The following LRPPRC variants were observed in gnomAD, a reference collection of about 807,000 sequenced individuals.
LRPPRC encodes leucine-rich PPR motif-containing protein, mitochondrial.
Under a neutral mutation model 180.3 loss-of-function variants are expected in LRPPRC, and 120 were observed. The observed-to-expected ratio is 0.67, with a 90% confidence interval of 0.57 to 0.77. The LOEUF (loss-of-function observed/expected upper bound fraction) is 0.77, where lower values mean the gene tolerates loss of function less well. Ranked by LOEUF, LRPPRC falls within the 30% of genes least tolerant of loss-of-function variation. LRPPRC has a pLI of 0.00. For missense variants in LRPPRC, 2,012 were observed against 1,657.2 expected (o/e 1.21, Z -3.72); for synonymous variants, 723 against 600.0 (o/e 1.21, Z -3.00).
chr2:43,993,179 A>C (rs1674863441), intron 1 of LRPPRC, among the ~76,000 whole-genome samples: 1 of 152,182 alleles, frequency 6.6e-6, no homozygotes, highest in Non-Finnish European at 1.5e-5. Flanking sequence ...TGGTAATTAA[A>C]AGAGGTCCTT....
At position 43,940,557 on chromosome 2, in the gene LRPPRC, A is replaced by G. The variant is rs549433248; in HGVS notation, c.2504+3130T>C. Among the ~76,000 whole-genome samples the G allele has an allele frequency of 5.9e-5, 9 of 152,178 alleles. No individual in the cohort carries two copies. In the South Asian group the frequency reaches 1.7e-3, roughly 28 times the overall value. ...TGTACATATACAGATTATAACACAA[A>G]CCAGCACAAAAAAAATCCTTAATGG... On this transcript the variant is annotated intron_variant, in intron 23 of 37. Coordinates refer to ENST00000260665, the MANE Select transcript of LRPPRC (RefSeq NM_133259.4).
chr2:43,980,622 A>G (rs1292993837), intron 2 of LRPPRC, among the ~76,000 whole-genome samples: 1 of 151,708 alleles, frequency 6.6e-6, no homozygotes, highest in African/African-American at 2.4e-5. Context: ...ACTGTAAAGC[A>G]GTGTAATTAA....
intron 15 of LRPPRC, 51 bp downstream of exon 15, chr2:43,950,522 G>A (rs1672857875): frequency 1.4e-6 from 2 of 1,475,220 alleles, no homozygotes; most frequent in African/African-American, 1.4e-5. Flanking sequence ...CTATGGTATT[G>A]GCTTGTAACG....
At chr2:43,969,298 G>C (rs1673698490) in intron 11 of LRPPRC, among the ~76,000 whole-genome samples, 1 of 151,944 alleles carries the variant, frequency 6.6e-6, no homozygotes, top group Non-Finnish European at 1.5e-5. Context: ...TGTAGTCCCA[G>C]CTACTTGGGA....
chr2:43,973,988 G>A, intron 9 of LRPPRC, 88 bp from the exon 10 acceptor site: 1 of 1,107,726 alleles, frequency 9.0e-7, no homozygotes, highest in Non-Finnish European at 1.4e-6. Context: ...TCTGAGATGA[G>A]CATTTTAAAC....
rs1452047731 is a variant in LRPPRC, at chr2:43,976,225, T to C, written c.655A>G (p.Ile219Val). The change falls in exon 6 of 38, where the codon ATT becomes GTT. Residue 219 changes from isoleucine (I) to valine (V), a missense_variant. By Grantham distance (29) the Ile-to-Val change is conservative (BLOSUM62 3). Coordinates refer to ENST00000260665, the MANE Select transcript of LRPPRC (RefSeq NM_133259.4). ...NVGDIEGASK[I>V]LGFMKTKDLP... ...TCCTTAGTTTTCATAAATCCAAGAA[T>C]CTTGCTGCAAAGGAAAAACGAAGAT... 3 of 1,598,942 alleles carry C rather than the reference T, an allele frequency of 1.9e-6. No individual in the cohort carries two copies. The highest frequency in any genetic ancestry group is 1.7e-5 in the Admixed American group (1 of 59,988).
intron 1 of LRPPRC, among the ~76,000 whole-genome samples, chr2:43,985,383 CTG>C (rs780939757): frequency 2.0e-5 from 3 of 152,172 alleles, no homozygotes; most frequent in Non-Finnish European, 4.4e-5. Context: ...TTAGAGTTCA[CTG>C]TGTGTATACA....
chr2:43,957,290 TAAG>T, intron 14 of LRPPRC, 92 bp downstream of exon 14: 1 of 872,508 alleles, frequency 1.1e-6, no homozygotes, highest in Non-Finnish European at 2.0e-6. Context: ...CACTGAAAGA[TAAG>T]AATATTTGTA....
Position 43,948,484 on chromosome 2 carries a change from G to C in LRPPRC, c.1770C>G (p.Asp590Glu), listed in dbSNP as rs766617251. The C allele has an allele frequency of 1.5e-5, 24 of 1,609,942 alleles. No individual in the cohort carries two copies. The highest frequency in any genetic ancestry group is 1.9e-5 in the Non-Finnish European group (22 of 1,176,382). ...CCTGTACCTCTGAGTCACTCATGCT[G>C]TCAATCAAGTTATAAAGAAAATAGC... Reference protein sequence around the residue: ...AVGYFLYNLIDSMSDSEVQAK... With the variant: ...AVGYFLYNLIESMSDSEVQAK... The change falls in exon 17 of 38, where the codon GAC becomes GAG. Residue 590 changes from aspartate to glutamate, a missense_variant. Physicochemically the swap from Asp to Glu is conservative, Grantham distance 45. Coordinates refer to ENST00000260665, the MANE Select transcript of LRPPRC (RefSeq NM_133259.4).
At chr2:43,916,727 G>A (rs1342045085) in intron 29 of LRPPRC, among the ~76,000 whole-genome samples, 1 of 152,052 alleles carries the variant, frequency 6.6e-6, no homozygotes, top group Non-Finnish European at 1.5e-5. Flanking sequence ...GCCGAGGTGG[G>A]AGGACCACTT....
chr2:43,899,084 A>C, intron 34 of LRPPRC, 135 bp downstream of exon 34: 1 of 705,178 alleles, frequency 1.4e-6, no homozygotes, highest in Non-Finnish European at 2.6e-6. Context: ...ACCGTGATTC[A>C]CACTGAATGT....
Position 43,953,149 on chromosome 2 carries a change from G to C in LRPPRC, c.1650-2549C>G, listed in dbSNP as rs374729431. 2.0e-5 allele frequency among the ~76,000 whole-genome samples: 3 copies of C among 152,038 alleles called. No individual in the cohort carries two copies. In the South Asian group the frequency reaches 6.2e-4, roughly 32 times the overall value. On this transcript the variant is annotated intron_variant, in intron 14 of 37. Coordinates refer to ENST00000260665, the MANE Select transcript of LRPPRC (RefSeq NM_133259.4). ...CAATATGCCTCTCAGCAATTTCTCT[G>C]CAGCCCCTGCCCTGATTCATCCCTT... is the stretch of plus-strand genomic sequence containing the variant.
In LRPPRC at chr2:43,888,304, A is replaced by T; in HGVS notation, c.*296T>A. On this transcript the variant is annotated 3_prime_UTR_variant, in exon 38 of 38. Coordinates refer to ENST00000260665, the MANE Select transcript of LRPPRC (RefSeq NM_133259.4). ...AAAGGAATAACATTTTAATGAAATA[A>T]ATGAAACAGAGCAGGGAAACCAAAG... 1 of 321,828 alleles carries T rather than the reference A, an allele frequency of 3.1e-6. No individual in the cohort carries two copies. 19.9% of individuals were successfully genotyped at this position (321,828 alleles called of 1,614,324 possible).
chr2:43,888,733 C>G, intron 37 of LRPPRC, 77 bp from the exon 38 acceptor site: 1 of 807,726 alleles, frequency 1.2e-6, no homozygotes, highest in East Asian at 2.5e-5. Flanking sequence ...AATCATAAAA[C>G]ACTACCAACT....
chr2:43,963,468 G>A (rs1673432946), intron 12 of LRPPRC, 120 bp downstream of exon 12: 1 of 746,430 alleles, frequency 1.3e-6, no homozygotes. Flanking sequence ...AAAGAAAATT[G>A]TATACAGATT....
intron 29 of LRPPRC, among the ~76,000 whole-genome samples, chr2:43,912,990 T>C (rs1671318618): frequency 6.6e-6 from 1 of 152,174 alleles, no homozygotes; most frequent in African/African-American, 2.4e-5. Context: ...TTTAAAGCAA[T>C]CTTTAATCTA....
intron 3 of LRPPRC, among the ~76,000 whole-genome samples, chr2:43,979,301 A>T (rs1412990368): frequency 6.6e-6 from 1 of 152,122 alleles, no homozygotes; most frequent in Non-Finnish European, 1.5e-5. Context: ...TCTACACCTT[A>T]ATTTTTATTT....
At chr2:43,917,520 T>A (rs529768118) in intron 29 of LRPPRC, among the ~76,000 whole-genome samples, 1 of 152,032 alleles carries the variant, frequency 6.6e-6, no homozygotes. Flanking sequence ...CCAGGCATGG[T>A]GGCTGATGCC....
intron 27 of LRPPRC, among the ~76,000 whole-genome samples, chr2:43,921,510 G>C (rs1237325702): frequency 6.6e-6 from 1 of 151,070 alleles, no homozygotes; most frequent in Non-Finnish European, 1.5e-5. Flanking sequence ...AACAAGTAAA[G>C]TATAAAACAA....
Sources: allele counts gnomAD v4.1 joint callset (sites outside exome capture counted in the v4.1 genomes callset), GRCh38; gene constraint gnomAD v4.1.1; transcripts MANE v1.5; gene names NCBI Gene and HGNC (gene_info 2026-07-23, HGNC 2026-07-21).